The following ST8SIA1 variants were observed in gnomAD, a reference collection of about 807,000 sequenced individuals.
The protein encoded by ST8SIA1 is alpha-N-acetylneuraminide alpha-2,8-sialyltransferase.
ST8SIA1 carries 16 observed loss-of-function variants against 35.9 expected under a neutral mutation model. That is an observed-to-expected ratio of 0.45 (90% CI 0.30 to 0.68). ST8SIA1 has a LOEUF of 0.68. ST8SIA1 is among the 30% of genes least tolerant of loss of function. ST8SIA1 has a pLI of 0.09. For missense variants in ST8SIA1, 383 were observed against 453.6 expected, an observed-to-expected ratio of 0.84 and a Z score of 1.41; for synonymous variants, 170 against 169.6, an observed-to-expected ratio of 1.00 and a Z score of -0.02.
chr12:22,284,559 T>G (rs1591844113), intron 2 of ST8SIA1, among the ~76,000 whole-genome samples: 1 of 152,212 alleles, frequency 6.6e-6, no homozygotes, highest in African/African-American at 2.4e-5. Context: ...AAGATTTCTA[T>G]GAATTAATTA....
intron 2 of ST8SIA1, among the ~76,000 whole-genome samples, chr12:22,284,612 TA>T (rs929592731): frequency 6.6e-6 from 1 of 152,066 alleles, no homozygotes; most frequent in South Asian, 2.1e-4. Context: ...CATATGCAAT[TA>T]AAAAAAATCT....
intron 4 of ST8SIA1, among the ~76,000 whole-genome samples, chr12:22,236,609 C>T (rs1436573040): frequency 6.6e-6 from 1 of 152,168 alleles, no homozygotes; most frequent in Non-Finnish European, 1.5e-5. Context: ...GATTCTCCAC[C>T]TCGTACCCTT....
At chr12:22,256,656 T>C (rs530294787) in intron 2 of ST8SIA1, among the ~76,000 whole-genome samples, 1 of 152,328 alleles carries the variant, frequency 6.6e-6, no homozygotes, top group East Asian at 1.9e-4. Flanking sequence ...CATTGGTAAC[T>C]GAGGTGGCCA....
At chr12:22,292,950 A>T (rs1039232937) in intron 1 of ST8SIA1, among the ~76,000 whole-genome samples, 10 of 152,256 alleles carry the variant, frequency 6.6e-5, no homozygotes, top group Non-Finnish European at 1.3e-4. Context: ...AATAGGAAGA[A>T]AAAAGACAGT....
At chr12:22,285,877 C>CAAAAAAAACAAAAAAAAAAA (rs67273710) in intron 2 of ST8SIA1, among the ~76,000 whole-genome samples, 4 of 103,676 alleles carry the variant, frequency 3.9e-5, no homozygotes, top group East Asian at 3.2e-4. Flanking sequence ...CTGTCAAAAA[C>CAAAAAAAACAAAAAAAAAAA]AAAAAAAAAA....
chr12:22,287,772 C>G (rs992492742), intron 1 of ST8SIA1, among the ~76,000 whole-genome samples: 2 of 152,172 alleles, frequency 1.3e-5, no homozygotes, highest in Non-Finnish European at 2.9e-5. Flanking sequence ...CACAGAGTGA[C>G]CCTAAAGAGA....
intron 2 of ST8SIA1, among the ~76,000 whole-genome samples, chr12:22,272,230 G>A (rs1865920219): frequency 6.6e-6 from 1 of 152,168 alleles, no homozygotes; most frequent in African/African-American, 2.4e-5. Flanking sequence ...AAATATTGCA[G>A]AGAGCACTTT....
chr12:22,215,256 G>T (rs1313352024), intron 4 of ST8SIA1, among the ~76,000 whole-genome samples: 1 of 152,044 alleles, frequency 6.6e-6, no homozygotes, highest in East Asian at 1.9e-4. Context: ...TTCTTCTCTT[G>T]TGTCACCCAT....
intron 1 of ST8SIA1, among the ~76,000 whole-genome samples, chr12:22,330,594 T>C (rs1432726862): frequency 6.6e-6 from 1 of 152,212 alleles, no homozygotes; most frequent in East Asian, 1.9e-4. Flanking sequence ...GTCTTTTCCA[T>C]GGGATTATAG....
At chr12:22,245,279 T>A (rs560579009) in intron 4 of ST8SIA1, among the ~76,000 whole-genome samples, 1 of 152,204 alleles carries the variant, frequency 6.6e-6, no homozygotes, top group Non-Finnish European at 1.5e-5. Flanking sequence ...TTATAGTACA[T>A]CTAATCAGGT....
rs1591862442 is a variant in ST8SIA1, at chr12:22,334,190, C to T, written c.43G>A (p.Ala15Thr). 6.2e-7 allele frequency: 1 copy of T among 1,613,924 alleles called. No individual in the cohort carries two copies. Among genetic ancestry groups the T allele is most frequent in the South Asian group, 1.1e-5 (1 of 91,074 alleles). The change falls in exon 1 of 5, where the codon GCC becomes ACC. Residue 15 changes from alanine (A) to threonine (T), a missense_variant. Ala to Thr is a moderately conservative substitution (Grantham distance 58, BLOSUM62 0). Coordinates refer to ENST00000396037, the MANE Select transcript of ST8SIA1 (RefSeq NM_003034.4). The stretch of plus-strand genomic sequence containing the variant: ...AACTTCCACGCCAGTACAGCCATGG[C>T]CCCTCTGGACGTTTGTCGCCGGGCC... The part of the protein sequence containing the change: ...GRARRQTSRG[A>T]MAVLAWKFPR...
At position 22,199,935 on chromosome 12, in the gene ST8SIA1, C is replaced by T. The variant is rs1865031570; in HGVS notation, c.*1617G>A. On this transcript the variant is annotated 3_prime_UTR_variant, in exon 5 of 5. Transcript: ENST00000396037. ...CTTAAGACATTCCAAAGTATGAAGA[C>T]AACGAGAGGCTTCCCTTACCCTTCT... 6.6e-6 allele frequency: 1 copy of T among 152,180 alleles called. No homozygotes were observed. The highest frequency in any genetic ancestry group is 1.5e-5 in the Non-Finnish European group (1 of 68,032). 9.4% of individuals were successfully genotyped at this position (152,180 alleles called of 1,614,324 possible). A position where few individuals can be genotyped will look rare whatever the true frequency, so the allele number is the denominator to read the frequency against.
At chr12:22,277,524 G>A (rs78781446) in intron 2 of ST8SIA1, among the ~76,000 whole-genome samples, 11 of 151,800 alleles carry the variant, frequency 7.2e-5, no homozygotes, top group African/African-American at 1.5e-4. Context: ...CTGCCACTAC[G>A]CCCAGCTAAT....
At chr12:22,213,557 G>A (rs145328797) in intron 4 of ST8SIA1, among the ~76,000 whole-genome samples, 2 of 152,304 alleles carry the variant, frequency 1.3e-5, no homozygotes, top group Non-Finnish European at 2.9e-5. Context: ...AGTTGAAGGA[G>A]AAGAGCACTC....
intron 4 of ST8SIA1, among the ~76,000 whole-genome samples, chr12:22,217,823 C>G (rs911309370): frequency 1.2e-4 from 19 of 152,068 alleles, no homozygotes; most frequent in Non-Finnish European, 2.4e-4. Flanking sequence ...AGAACCCTTC[C>G]AAAGAAATAA....
chr12:22,204,646 C>T (rs1369291926), intron 4 of ST8SIA1, among the ~76,000 whole-genome samples: 1 of 152,194 alleles, frequency 6.6e-6, no homozygotes, highest in Non-Finnish European at 1.5e-5. Flanking sequence ...TTAAAGCCAA[C>T]TGATTAGTCT....
At chr12:22,264,418 T>C (rs1355508822) in intron 2 of ST8SIA1, among the ~76,000 whole-genome samples, 1 of 152,176 alleles carries the variant, frequency 6.6e-6, no homozygotes, top group Non-Finnish European at 1.5e-5. Context: ...CTAGCGAGCA[T>C]GGTGCCCAGC....
intron 1 of ST8SIA1, among the ~76,000 whole-genome samples, chr12:22,329,895 T>A (rs1197675156): frequency 6.6e-6 from 1 of 152,216 alleles, no homozygotes; most frequent in Non-Finnish European, 1.5e-5. Flanking sequence ...GTAACAGTGA[T>A]GTGCCACCTC....
chr12:22,331,496 T>C (rs1284200928), intron 1 of ST8SIA1, among the ~76,000 whole-genome samples: 2 of 152,266 alleles, frequency 1.3e-5, no homozygotes, highest in Non-Finnish European at 2.9e-5. Flanking sequence ...TAAGTGCACC[T>C]TGTGCATTTG....
Sources: allele counts gnomAD v4.1 joint callset (sites outside exome capture counted in the v4.1 genomes callset), GRCh38; gene constraint gnomAD v4.1.1; transcripts MANE v1.5; gene names NCBI Gene and HGNC (gene_info 2026-07-23, HGNC 2026-07-21).